Variants in PCYT1A observed in about 807,000 individuals in gnomAD.
PCYT1A encodes choline-phosphate cytidylyltransferase A.
A neutral mutation model predicts 43.7 loss-of-function variants in PCYT1A; 25 were observed. The ratio of observed to expected loss-of-function variants is 0.57; its 90% CI spans 0.42 to 0.80. PCYT1A has a LOEUF of 0.80. PCYT1A is among the 30% of genes least tolerant of loss of function. The pLI is 0.00. For missense variants in PCYT1A, 421 were observed against 474.2 expected (o/e 0.89, Z 1.04); for synonymous variants, 172 against 170.7 (o/e 1.01, Z -0.06).
chr3:196,278,221 C>T (rs1222873467), intron 1 of PCYT1A, among the ~76,000 whole-genome samples: 1 of 152,156 alleles, frequency 6.6e-6, no homozygotes, highest in South Asian at 2.1e-4. Context: ...CCTAAAGCCA[C>T]ACCACCATTA....
rs1359118754 is a variant in PCYT1A at position 196,235,305 on chromosome 3, G to C, written c.*3383C>G. 1 of 152,066 alleles carries C rather than the reference G, an allele frequency of 6.6e-6. No homozygotes were observed. Among genetic ancestry groups the C allele is most frequent in the African/African-American group, 2.4e-5 (1 of 41,364 alleles). 9.4% of individuals were successfully genotyped at this position (152,066 alleles called of 1,614,324 possible). On this transcript the variant is annotated 3_prime_UTR_variant, in exon 9 of 9. Transcript: ENST00000431016. The surrounding 1 kb of genome is among the most constrained non-coding windows in gnomAD (Gnocchi z 4.3). ...GCCCCCCAAAAACCACCATCACTCAGGTACAGCCTCCAAAAACACCACCAT... is the reference window on the plus strand; with the variant it reads ...GCCCCCCAAAAACCACCATCACTCACGTACAGCCTCCAAAAACACCACCAT...
At chr3:196,243,935 C>A (rs1724455463) in intron 5 of PCYT1A, among the ~76,000 whole-genome samples, 1 of 152,264 alleles carries the variant, frequency 6.6e-6, no homozygotes, top group Non-Finnish European at 1.5e-5. Context: ...GCTGAGACTG[C>A]AGCCTCTGCC....
At chr3:196,257,368 T>G (rs889456339) in intron 3 of PCYT1A, among the ~76,000 whole-genome samples, 2 of 152,196 alleles carry the variant, frequency 1.3e-5, no homozygotes, top group African/African-American at 2.4e-5. Flanking sequence ...TTGGGATATT[T>G]TTGTCCTCTA....
intron 1 of PCYT1A, among the ~76,000 whole-genome samples, chr3:196,272,617 C>T (rs922353611): frequency 6.6e-6 from 1 of 152,138 alleles, no homozygotes; most frequent in African/African-American, 2.4e-5. Context: ...CTGCACCTGG[C>T]CCTTCCCCTT....
rs117022639 is a variant in PCYT1A at position 196,257,893 on chromosome 3, G to A, written c.118-6C>T. 322 of 1,580,864 alleles carry A rather than the reference G, an allele frequency of 2.0e-4. 2 individuals carry two copies. In the East Asian group the frequency reaches 6.7e-3, roughly 33 times the overall value. On this transcript the variant is annotated splice_polypyrimidine_tract_variant and splice_region_variant and intron_variant, in intron 2 of 8. Coordinates refer to ENST00000431016, the MANE Select transcript of PCYT1A (RefSeq NM_001312673.2). ...GGAGCTGGTTGCCGTAAGCCCTTAA[G>A]AAATGGAAAGTGAAGGAAAAGAAAG...
chr3:196,285,474 A>C (rs1725883956), intron 1 of PCYT1A, among the ~76,000 whole-genome samples: 1 of 152,160 alleles, frequency 6.6e-6, no homozygotes, highest in East Asian at 1.9e-4. Context: ...TAAATAAATA[A>C]ATAAATAAAA....
At chr3:196,253,356 G>A (rs1421172307) in intron 3 of PCYT1A, among the ~76,000 whole-genome samples, 4 of 105,500 alleles carry the variant, frequency 3.8e-5, no homozygotes, top group African/African-American at 1.3e-4. Context: ...AAAAATTGAA[G>A]TATCCCAGAA....
At position 196,235,864 on chromosome 3, in the gene PCYT1A, G is replaced by A. The variant is rs1577350314; in HGVS notation, c.*2824C>T. 1 of 152,316 alleles carries A rather than the reference G, an allele frequency of 6.6e-6. No individual in the cohort carries two copies. The highest frequency in any genetic ancestry group is 1.5e-5 in the Non-Finnish European group (1 of 68,110). The allele number at this position is 152,316 out of a possible 1,614,324, so 9.4% of individuals were successfully genotyped here. A position where few individuals can be genotyped will look rare whatever the true frequency, so the allele number is the denominator to read the frequency against. On this transcript the variant is annotated 3_prime_UTR_variant, in exon 9 of 9. Coordinates refer to ENST00000431016, the MANE Select transcript of PCYT1A (RefSeq NM_001312673.2). The surrounding 1 kb of genome is among the most constrained non-coding windows in gnomAD (Gnocchi z 4.3). ...AATTAGGCACAGATGACCACATTAT[G>A]CAACTTCCCAACAGCTTTCTCCATC...
chr3:196,266,058 AAAAT>A (rs1352347509), intron 2 of PCYT1A, among the ~76,000 whole-genome samples: 3 of 151,538 alleles, frequency 2.0e-5, no homozygotes, highest in African/African-American at 7.3e-5. Context: ...CCATTAAAAA[AAAAT>A]AAATAAACTA....
At chr3:196,240,589 G>A (rs574912507) in intron 7 of PCYT1A, 2 of 152,378 alleles carry the variant, frequency 1.3e-5, no homozygotes, top group African/African-American at 2.4e-5. Context: ...CTACTCAGGA[G>A]GCTGAGATGG....
chr3:196,245,843 C>T (rs1393194253), intron 5 of PCYT1A, among the ~76,000 whole-genome samples: 2 of 151,668 alleles, frequency 1.3e-5, no homozygotes, highest in African/African-American at 2.4e-5. Flanking sequence ...CCCAGCTACT[C>T]GGGAGGCTGA....
intron 2 of PCYT1A, among the ~76,000 whole-genome samples, chr3:196,269,782 C>T (rs1385368441): frequency 6.6e-6 from 1 of 152,126 alleles, no homozygotes; most frequent in African/African-American, 2.4e-5. Flanking sequence ...GCAGAAAAGA[C>T]GCACTAGACA....
In PCYT1A at chr3:196,247,718, A is replaced by G. The variant is rs762483386; in HGVS notation, c.335-200T>C. ...TATACCTTCAGGAGCAACACTCACTAAACAGTATGTTCATACTTTGGAGAA... is the reference window on the plus strand; with the variant it reads ...TATACCTTCAGGAGCAACACTCACTGAACAGTATGTTCATACTTTGGAGAA... On this transcript the variant is annotated intron_variant, in intron 4 of 8. Coordinates refer to ENST00000431016, the MANE Select transcript of PCYT1A (RefSeq NM_001312673.2). This position sits in a 1 kb window ranked among gnomAD's most constrained non-coding sequence, Gnocchi z 4.8. 1.7e-5 allele frequency: 12 copies of G among 691,586 alleles called. No homozygotes were observed. The highest frequency in any genetic ancestry group is 2.9e-5 in the Non-Finnish European group (11 of 378,044). 42.8% of individuals were successfully genotyped at this position (691,586 alleles called of 1,614,324 possible).
rs937379338 is a variant in PCYT1A, at chr3:196,277,487, C to T, written c.-10-6946G>A. ...CAGGAGATGGAAAACATCTGGGTCA[C>T]AGATATTCCATAATGATAACCCTAA... On this transcript the variant is annotated intron_variant, in intron 1 of 8. Transcript: ENST00000431016. This position sits in a 1 kb window ranked among gnomAD's most constrained non-coding sequence, Gnocchi z 4.1. 2.0e-5 allele frequency among the ~76,000 whole-genome samples: 3 copies of T among 152,184 alleles called. No individual in the cohort carries two copies. Among genetic ancestry groups the T allele is most frequent in the African/African-American group, 2.4e-5 (1 of 41,434 alleles).
At chr3:196,250,118 G>A (rs576792186) in intron 3 of PCYT1A, among the ~76,000 whole-genome samples, 96 of 146,602 alleles carry the variant, frequency 6.5e-4, no homozygotes, top group African/African-American at 2.1e-3. Flanking sequence ...ACACCATGCC[G>A]AGGCTGAGGA....
At chr3:196,257,954 A>C in intron 2 of PCYT1A, 67 bp from the exon 3 acceptor site, 1 of 877,124 alleles carries the variant, frequency 1.1e-6, no homozygotes, top group Non-Finnish European at 1.8e-6. Context: ...TACTAAAAAA[A>C]AAAAAGATGA....
rs1173037085 is a variant in PCYT1A, at chr3:196,277,168, T to C, written c.-10-6627A>G. ...TTGCTTAAACCCAGGAGGCAGAGGT[T>C]GCAGTGAGCCAAGATCATGCCATTG... On this transcript the variant is annotated intron_variant, in intron 1 of 8. Transcript: ENST00000431016. The surrounding 1 kb of genome is among the most constrained non-coding windows in gnomAD (Gnocchi z 4.1). 1.3e-5 allele frequency among the ~76,000 whole-genome samples: 2 copies of C among 152,076 alleles called. No homozygotes were observed. Among genetic ancestry groups the C allele is most frequent in the East Asian group, 3.8e-4 (2 of 5,198 alleles).
chr3:196,242,337 A>C lies in PCYT1A; in HGVS notation c.565+225T>G. 1.5e-6 allele frequency: 1 copy of C among 667,450 alleles called. No individual in the cohort carries two copies. 41.3% of individuals were successfully genotyped at this position (667,450 alleles called of 1,614,324 possible). On this transcript the variant is annotated intron_variant, in intron 6 of 8. Coordinates refer to ENST00000431016, the MANE Select transcript of PCYT1A (RefSeq NM_001312673.2). The surrounding 1 kb of genome is among the most constrained non-coding windows in gnomAD (Gnocchi z 4.2). The stretch of plus-strand genomic sequence containing the variant: ...TGAGAAAGGGTTTCCTGAAATTAAG[A>C]GAGATATCCAAAGTAGATGTTTAGA...
Position 196,238,805 on chromosome 3 carries a change from G to T in PCYT1A, c.987C>A (p.Ser329=). 6.3e-7 allele frequency: 1 copy of T among 1,578,722 alleles called. No homozygotes were observed. Among genetic ancestry groups the T allele is most frequent in the East Asian group, 2.4e-5 (1 of 41,014 alleles). ...SPSSSPTRER[S]PSPSFRWPFS... Reference sequence around the variant, plus strand: ...AGGGCCATCGGAAAGAGGGGGAGGGGGAGCGCTCGCGAGTAGGGCTGCTGC... The same window carrying T: ...AGGGCCATCGGAAAGAGGGGGAGGGTGAGCGCTCGCGAGTAGGGCTGCTGC... Residue 329 remains serine, a synonymous_variant, in exon 9 of 9, where the codon TCC becomes TCA. Transcript: ENST00000431016.
Sources: gnomAD v4.1 joint callset for allele counts (sites outside exome capture counted in the v4.1 genomes callset) on GRCh38, gnomAD v4.1.1 for gene constraint, Gnocchi (gnomAD v3.1) non-coding constraint, MANE v1.5 for transcripts, NCBI Gene and HGNC (gene_info 2026-07-23, HGNC 2026-07-21) for gene names.